ZNF236: variants seen among roughly 807,000 people sequenced by gnomAD.
ZNF236 encodes the protein zinc finger protein 236.
A neutral mutation model predicts 191.2 loss-of-function variants in ZNF236; 50 were observed. The ratio of observed to expected loss-of-function variants is 0.26; its 90% CI spans 0.21 to 0.33. ZNF236 has a LOEUF of 0.33. Among genes scored for constraint, ZNF236 ranks in the 10% least tolerant of loss-of-function variants. The pLI is 1.00. For missense variants in ZNF236, 1,754 were observed against 2,374.5 expected (o/e 0.74, Z 5.43); for synonymous variants, 907 against 928.8 (o/e 0.98, Z 0.43).
intron 8 of ZNF236, 29 bp from the exon 9 acceptor site, chr18:76,881,255 T>G: frequency 6.2e-7 from 1 of 1,603,950 alleles, no homozygotes; most frequent in Non-Finnish European, 8.5e-7. Flanking sequence ...ATCGTTACCT[T>G]CTAACCTTTT....
At chr18:76,918,311 G>A (rs1448943703) in intron 19 of ZNF236, among the ~76,000 whole-genome samples, 1 of 152,166 alleles carries the variant, frequency 6.6e-6, no homozygotes, top group African/African-American at 2.4e-5. Context: ...TGCAGATGCT[G>A]AAGTTCCTGA....
Position 76,907,668 on chromosome 18 carries a change from T to C in ZNF236, c.2298-652T>C, listed in dbSNP as rs146008298. 2.8e-3 allele frequency among the ~76,000 whole-genome samples: 423 copies of C among 152,054 alleles called. 1 individual carries two copies. Among genetic ancestry groups the C allele is most frequent in the Middle Eastern group, 0.017 (5 of 294 alleles). On this transcript the variant is annotated intron_variant, in intron 13 of 30. Coordinates refer to ENST00000320610, the MANE Select transcript of ZNF236 (RefSeq NM_001306089.2). ...ATATTCTTCGTACTAGCCAGCCTGT[T>C]AGTCAGATAATTGTGTGAGATTTTT...
At chr18:76,938,519 C>A (rs889566181) in intron 26 of ZNF236, among the ~76,000 whole-genome samples, 5 of 152,230 alleles carry the variant, frequency 3.3e-5, no homozygotes, top group Non-Finnish European at 7.3e-5. Context: ...ACTATTACAA[C>A]CACTTGCTGA....
chr18:76,825,115 A>C (rs1202428732), intron 1 of ZNF236, among the ~76,000 whole-genome samples: 1 of 152,052 alleles, frequency 6.6e-6, no homozygotes, highest in Non-Finnish European at 1.5e-5. Context: ...CCTTGATGCC[A>C]CATTAGTTTT....
intron 30 of ZNF236, among the ~76,000 whole-genome samples, chr18:76,965,089 T>A (rs1027851429): frequency 2.6e-5 from 4 of 152,176 alleles, no homozygotes; most frequent in Admixed American, 6.5e-5. Flanking sequence ...TTCTTATTCT[T>A]TTTTCTTTGC....
intron 5 of ZNF236, among the ~76,000 whole-genome samples, chr18:76,873,828 C>T (rs1976643467): frequency 1.3e-5 from 2 of 150,694 alleles, no homozygotes; most frequent in Non-Finnish European, 3.0e-5. Flanking sequence ...CCTCTCCTGT[C>T]CCCACGTAGG....
chr18:76,886,348 A>C (rs1977057881), intron 9 of ZNF236: 3 of 152,868 alleles, frequency 2.0e-5, no homozygotes, highest in African/African-American at 7.2e-5. Context: ...GAAAGCCATT[A>C]ATACCCACGG....
chr18:76,951,890 T>C (rs1968418670), intron 27 of ZNF236, among the ~76,000 whole-genome samples: 1 of 152,208 alleles, frequency 6.6e-6, no homozygotes, highest in Non-Finnish European at 1.5e-5. Context: ...TTTAGTATTG[T>C]TGTGTCTCAG....
At chr18:76,891,162 C>A (rs1977220076) in intron 9 of ZNF236, among the ~76,000 whole-genome samples, 1 of 152,114 alleles carries the variant, frequency 6.6e-6, no homozygotes, top group Non-Finnish European at 1.5e-5. Flanking sequence ...GGGTCAGTGC[C>A]TCTAACCTCC....
intron 5 of ZNF236, among the ~76,000 whole-genome samples, 162 bp downstream of exon 5, chr18:76,871,987 T>G (rs1976596233): frequency 6.6e-6 from 1 of 152,244 alleles, no homozygotes; most frequent in South Asian, 2.1e-4. Flanking sequence ...TTTCCTCACT[T>G]GAAAAATGTG....
chr18:76,874,930 A>G (rs1489687564), intron 5 of ZNF236, among the ~76,000 whole-genome samples: 2 of 152,194 alleles, frequency 1.3e-5, no homozygotes, highest in African/African-American at 2.4e-5. Context: ...ATTTTACTCT[A>G]GGGGGGATTG....
intron 26 of ZNF236, among the ~76,000 whole-genome samples, chr18:76,942,963 A>G (rs1224066011): frequency 6.6e-6 from 1 of 150,416 alleles, no homozygotes; most frequent in Non-Finnish European, 1.5e-5. Flanking sequence ...CTCTACTAAA[A>G]ATACAAAAAA....
chr18:76,853,904 G>A (rs1352857530), intron 3 of ZNF236, among the ~76,000 whole-genome samples: 3 of 151,894 alleles, frequency 2.0e-5, no homozygotes, highest in Non-Finnish European at 2.9e-5. Flanking sequence ...CAGCTACTCC[G>A]GAGGCTAAGG....
intron 26 of ZNF236, among the ~76,000 whole-genome samples, chr18:76,943,250 T>C (rs1968182963): frequency 6.6e-6 from 1 of 152,024 alleles, no homozygotes; most frequent in South Asian, 2.1e-4. Flanking sequence ...TGGAAGAATA[T>C]TGTGGGAGTA....
intron 2 of ZNF236, among the ~76,000 whole-genome samples, chr18:76,851,014 C>G (rs926184237): frequency 6.8e-6 from 1 of 147,286 alleles, no homozygotes; most frequent in Admixed American, 6.9e-5. Context: ...AATTTATACG[C>G]AGCTTTTTCT....
At chr18:76,829,949 C>T (rs978110066) in intron 1 of ZNF236, among the ~76,000 whole-genome samples, 17 of 152,240 alleles carry the variant, frequency 1.1e-4, no homozygotes, top group Non-Finnish European at 2.5e-4. Context: ...CCACTCACTG[C>T]AACCTCCGTC....
At chr18:76,870,495 A>G (rs1033343124) in intron 4 of ZNF236, among the ~76,000 whole-genome samples, 2 of 152,186 alleles carry the variant, frequency 1.3e-5, no homozygotes, top group African/African-American at 4.8e-5. Context: ...TGAGGAGCAA[A>G]CCAGACAGAC....
intron 3 of ZNF236, 118 bp downstream of exon 3, chr18:76,852,057 GA>G: frequency 1.9e-6 from 2 of 1,061,712 alleles, no homozygotes. Context: ...AGATTTCAAG[GA>G]GTGAATTGTC....
Position 76,915,821 on chromosome 18 carries a change from C to T in ZNF236, c.3236C>T (p.Pro1079Leu), listed in dbSNP as rs759497019. Residue 1079 changes from proline (P) to leucine (L), a missense_variant, in exon 19 of 31, where the codon CCC becomes CTC. Coordinates refer to ENST00000320610, the MANE Select transcript of ZNF236 (RefSeq NM_001306089.2). ...KKHMKRHQTVPSAVSATGETE... is the reference protein window; with the variant it reads ...KKHMKRHQTVLSAVSATGETE... ...CACATGAAGAGACACCAAACAGTCC[C>T]CTCTGCTGTGTCAGCCACTGGAGAG... The T allele has an allele frequency of 5.0e-6, 8 of 1,614,022 alleles. No homozygotes were observed. In the East Asian group the frequency reaches 6.7e-5, roughly 13 times the overall value.
Sources: gnomAD v4.1 joint callset for allele counts (sites outside exome capture counted in the v4.1 genomes callset) on GRCh38, gnomAD v4.1.1 for gene constraint, MANE v1.5 for transcripts, NCBI Gene and HGNC (gene_info 2026-07-23, HGNC 2026-07-21) for gene names.